The following ADCK2 variants were observed in gnomAD, a reference collection of about 807,000 sequenced individuals.
The protein encoded by ADCK2 is uncharacterized aarF domain-containing protein kinase 2.
In ADCK2, 37 loss-of-function variants were observed where a neutral mutation model predicts 52.3. The ratio of observed to expected loss-of-function variants is 0.71; its 90% confidence interval spans 0.54 to 0.93. The LOEUF (loss-of-function observed/expected upper bound fraction) is 0.93. Among genes scored for constraint, ADCK2 ranks in the 40% least tolerant of loss-of-function variants. The probability of loss-of-function intolerance (pLI) is 0.00; values close to 1 mark genes in which losing one functional copy is unlikely to be tolerated. For missense variants in ADCK2, 695 were observed against 798.7 expected (o/e 0.87, Z 1.56); for synonymous variants, 321 against 349.2 (o/e 0.92, Z 0.90).
rs765443692 is a variant in ADCK2, at chr7:140,689,583, G to A, written c.1558-14G>A. 30 of 1,584,002 alleles carry A rather than the reference G, an allele frequency of 1.9e-5. No homozygotes were observed. Among genetic ancestry groups the A allele is most frequent in the African/African-American group, 6.8e-5 (5 of 73,802 alleles). Reference sequence around the variant, plus strand: ...TAGCTCCACTCCAAGTCCCTTTTCCGTTGCATTTTCCAGGGCCAGAGAGTG... The same window carrying A: ...TAGCTCCACTCCAAGTCCCTTTTCCATTGCATTTTCCAGGGCCAGAGAGTG... On this transcript the variant is annotated splice_polypyrimidine_tract_variant and intron_variant, in intron 5 of 7. Coordinates refer to ENST00000072869, the MANE Select transcript of ADCK2 (RefSeq NM_052853.4).
intron 5 of ADCK2, 81 bp from the exon 6 acceptor site, chr7:140,689,516 T>A: frequency 6.7e-7 from 1 of 1,485,062 alleles, no homozygotes; most frequent in South Asian, 1.3e-5. Context: ...GTGGAGCTGC[T>A]GAGATGAGAA....
rs1472438702 is a variant in ADCK2, at chr7:140,694,797, C to G, written c.1875C>G (p.Pro625=). 3.1e-6 allele frequency: 5 copies of G among 1,612,700 alleles called. No individual in the cohort carries two copies. The highest frequency in any genetic ancestry group is 2.2e-5 in the East Asian group (1 of 44,832). Reference sequence around the variant, plus strand: ...TCCTCCTCACGGGCCCAGTGTGCCCCCCGTGATGGGGCAGTGGCCTCTGTG... The same window carrying G: ...TCCTCCTCACGGGCCCAGTGTGCCCGCCGTGATGGGGCAGTGGCCTCTGTG... ...RPFLLTGPVC[P]P Residue 625 remains proline, a synonymous_variant, in exon 8 of 8, where the codon CCC becomes CCG. Coordinates refer to ENST00000072869, the MANE Select transcript of ADCK2 (RefSeq NM_052853.4).
chr7:140,692,193 TC>T (rs532878949), intron 7 of ADCK2, among the ~76,000 whole-genome samples: 4 of 152,160 alleles, frequency 2.6e-5, no homozygotes, highest in Non-Finnish European at 4.4e-5. Flanking sequence ...AGCTCCCCAT[TC>T]CCCTCTCCAT....
rs1385359263 is a variant in ADCK2, at chr7:140,673,325, G to T, written c.-6G>T. ...GCGGGCCGCCTGGGCCGCGGGCCTC[G>T]GGAGGATGGTGGCGCCCTGGCGCGT... On this transcript the variant is annotated 5_prime_UTR_variant, in exon 1 of 8. Transcript: ENST00000072869. The surrounding 1 kb of genome is among the most constrained non-coding windows in gnomAD (Gnocchi z 6.4). 5 of 1,437,892 alleles carry T rather than the reference G, an allele frequency of 3.5e-6. No individual in the cohort carries two copies. The highest frequency in any genetic ancestry group is 4.6e-6 in the Non-Finnish European group (5 of 1,094,426). 89.1% of individuals were successfully genotyped at this position (1,437,892 alleles called of 1,614,324 possible).
At chr7:140,675,037 G>A (rs1404697585) in intron 2 of ADCK2, among the ~76,000 whole-genome samples, 3 of 152,142 alleles carry the variant, frequency 2.0e-5, no homozygotes, top group Non-Finnish European at 4.4e-5. Flanking sequence ...GAGGCCAGGA[G>A]TTCGAGATCA....
At chr7:140,675,959 T>G (rs553397797) in intron 2 of ADCK2, among the ~76,000 whole-genome samples, 12 of 152,320 alleles carry the variant, frequency 7.9e-5, no homozygotes, top group Non-Finnish European at 1.8e-4. Flanking sequence ...TTGGGAGGTT[T>G]TCAGAAGCAA....
chr7:140,679,812 A>G (rs1161551343), intron 3 of ADCK2, among the ~76,000 whole-genome samples: 1 of 151,254 alleles, frequency 6.6e-6, no homozygotes, highest in Admixed American at 6.6e-5. Flanking sequence ...AGCTGCGATT[A>G]CAGGTGTGTG....
At position 140,690,812 on chromosome 7, in the gene ADCK2, A is replaced by C; in HGVS notation, c.1739A>C (p.Lys580Thr). 1 of 1,613,310 alleles carries C rather than the reference A, an allele frequency of 6.2e-7. No individual in the cohort carries two copies. The highest frequency in any genetic ancestry group is 1.3e-5 in the African/African-American group (1 of 74,872). ...GTCTTTAAGTTGCTGATGACTCACA[A>C]GGTGAGGGCCATTCAGAGGGGAGGT... is the stretch of plus-strand genomic sequence containing the variant. ...SSVFKLLMTH[K>T]VKLESNFASI... The change falls in exon 7 of 8, where the codon AAG (lysine) becomes ACG (threonine). Residue 580 changes from lysine (K) to threonine (T), a missense_variant and splice_region_variant. Physicochemically the swap from Lys to Thr is moderately conservative, Grantham distance 78 (BLOSUM62 -1). Transcript: ENST00000072869.
chr7:140,681,089 C>T lies in ADCK2; in HGVS notation c.1257C>T (p.Asp419=). The T allele has an allele frequency of 6.2e-7, 1 of 1,614,138 alleles. No homozygotes were observed. Among genetic ancestry groups the T allele is most frequent in the African/African-American group, 1.3e-5 (1 of 75,028 alleles). The change falls in exon 4 of 8, where the codon GAC becomes GAT. Residue 419 remains aspartate, a synonymous_variant. Coordinates refer to ENST00000072869, the MANE Select transcript of ADCK2 (RefSeq NM_052853.4). The part of the protein sequence containing the change: ...SSYQQAGIPV[D]LKRKIARLGI... ...ACCAGCAGGCAGGAATTCCCGTGGACTTGAAAAGGAAGATTGCACGGCTGG... is the reference window on the plus strand; with the variant it reads ...ACCAGCAGGCAGGAATTCCCGTGGATTTGAAAAGGAAGATTGCACGGCTGG...
intron 7 of ADCK2, among the ~76,000 whole-genome samples, chr7:140,691,373 C>A (rs145379587): frequency 1.4e-4 from 21 of 152,310 alleles, no homozygotes; most frequent in Middle Eastern, 6.8e-3. Flanking sequence ...AAACAGCCTA[C>A]CTCTGGCTTT....
At chr7:140,675,721 A>G (rs1794395521) in intron 2 of ADCK2, among the ~76,000 whole-genome samples, 1 of 152,250 alleles carries the variant, frequency 6.6e-6, no homozygotes, top group Non-Finnish European at 1.5e-5. Flanking sequence ...GAGAACATCT[A>G]GCATTATTTC....
At position 140,681,125 on chromosome 7, in the gene ADCK2, G is replaced by A; in HGVS notation, c.1293G>A (p.Met431Ile). 1 of 1,614,098 alleles carries A rather than the reference G, an allele frequency of 6.2e-7. No individual in the cohort carries two copies. Among genetic ancestry groups the A allele is most frequent in the Non-Finnish European group, 8.5e-7 (1 of 1,179,994 alleles). ...AGATTGCACGGCTGGGGATCAACAT[G>A]CTCCTGAAGATGGTGAGCTCATGGC... ...KRKIARLGIN[M>I]LLKMIFVDNF... The change falls in exon 4 of 8, where the codon ATG becomes ATA. Residue 431 changes from methionine to isoleucine, a missense_variant. By Grantham distance (10) the Met-to-Ile change is conservative (BLOSUM62 1). Coordinates refer to ENST00000072869, the MANE Select transcript of ADCK2 (RefSeq NM_052853.4).
chr7:140,679,658 CTCTCT>C (rs1794481532), intron 3 of ADCK2, among the ~76,000 whole-genome samples: 1 of 141,238 alleles, frequency 7.1e-6, no homozygotes, highest in Non-Finnish European at 1.5e-5. Flanking sequence ...TCAGCCTTCT[CTCTCT>C]TTTTTTTTTT....
chr7:140,689,956 T>A (rs1215313574), intron 6 of ADCK2, among the ~76,000 whole-genome samples: 2 of 152,004 alleles, frequency 1.3e-5, no homozygotes, highest in South Asian at 4.2e-4. Flanking sequence ...CATCCAGGGG[T>A]CGCTGTTCAT....
chr7:140,683,833 C>A (rs569124131), intron 4 of ADCK2, among the ~76,000 whole-genome samples: 2 of 152,120 alleles, frequency 1.3e-5, no homozygotes, highest in Non-Finnish European at 2.9e-5. Flanking sequence ...GCCGTCCCCA[C>A]CCCCAGCAAT....
intron 4 of ADCK2, among the ~76,000 whole-genome samples, chr7:140,681,692 A>G (rs974348760): frequency 6.6e-6 from 1 of 151,152 alleles, no homozygotes; most frequent in Non-Finnish European, 1.5e-5. Context: ...ATCTCCATGA[A>G]CTACAGCCTC....
chr7:140,692,088 C>T (rs1794717982), intron 7 of ADCK2, among the ~76,000 whole-genome samples: 1 of 152,118 alleles, frequency 6.6e-6, no homozygotes, highest in Non-Finnish European at 1.5e-5. Context: ...AAAATTTAAC[C>T]CCCCAACCCT....
rs2130778391 is a variant in ADCK2, at chr7:140,674,484, C to CT, written c.934-127_934-126insT. On this transcript the variant is annotated intron_variant, in intron 1 of 7. Coordinates refer to ENST00000072869, the MANE Select transcript of ADCK2 (RefSeq NM_052853.4). This position sits in a 1 kb window ranked among gnomAD's most constrained non-coding sequence, Gnocchi z 4.6. ...TGGAGTGAACTAACTGCTTGGGTGTCGGGACCACATCCTCTTTTCTTTGAT... is the reference window on the plus strand; with the variant it reads ...TGGAGTGAACTAACTGCTTGGGTGTCTGGGACCACATCCTCTTTTCTTTGAT... The CT allele has an allele frequency of 7.9e-7, 1 of 1,259,432 alleles. No individual in the cohort carries two copies. The highest frequency in any genetic ancestry group is 1.5e-5 in the African/African-American group (1 of 66,442). 78.0% of individuals were successfully genotyped at this position (1,259,432 alleles called of 1,614,324 possible).
rs941377840 is a variant in ADCK2, at chr7:140,691,761, A to G, written c.1740+948A>G. ...ATTACTTAACTATATGACATCTATT[A>G]GTAACCAATTTATCCCCTCAGTCTT... On this transcript the variant is annotated intron_variant, in intron 7 of 7. Transcript: ENST00000072869. 2.6e-5 allele frequency among the ~76,000 whole-genome samples: 4 copies of G among 152,240 alleles called. No homozygotes were observed. The East Asian group carries it at 7.7e-4, about 29-fold the overall frequency.
Sources: gnomAD v4.1 joint callset for allele counts (sites outside exome capture counted in the v4.1 genomes callset) on GRCh38, gnomAD v4.1.1 for gene constraint, Gnocchi (gnomAD v3.1) non-coding constraint, MANE v1.5 for transcripts, NCBI Gene and HGNC (gene_info 2026-07-23, HGNC 2026-07-21) for gene names.